AUTS2: variants seen among roughly 807,000 people sequenced by gnomAD.
AUTS2 encodes the protein activator of transcription and developmental regulator AUTS2.
Under a neutral mutation model 112.4 loss-of-function variants are expected in AUTS2, and 17 were observed. That is an observed-to-expected ratio of 0.15 (90% CI 0.10 to 0.23). The LOEUF (loss-of-function observed/expected upper bound fraction) is 0.23, where lower values mean the gene tolerates loss of function less well. Ranked by LOEUF, AUTS2 falls within the 10% of genes least tolerant of loss-of-function variation. AUTS2 has a pLI of 1.00. For synonymous variants in AUTS2, 751 were observed against 702.7 expected, an observed-to-expected ratio of 1.07 and a Z score of -1.09; for missense variants, 1,510 against 1,701.6, an observed-to-expected ratio of 0.89 and a Z score of 1.98.
At chr7:69,743,421 G>A (rs1399001784) in intron 1 of AUTS2, among the ~76,000 whole-genome samples, 1 of 152,174 alleles carries the variant, frequency 6.6e-6, no homozygotes, top group Non-Finnish European at 1.5e-5. Flanking sequence ...TGTGTATTAA[G>A]CTTCCACATA....
In AUTS2 at chr7:69,693,585, A is replaced by G. The variant is rs372340562; in HGVS notation, c.309+93623A>G. Among the ~76,000 whole-genome samples, 10 of 152,226 alleles carry G rather than the reference A, an allele frequency of 6.6e-5. No homozygotes were observed. In the South Asian group the frequency reaches 1.2e-3, roughly 19 times the overall value. The stretch of plus-strand genomic sequence containing the variant: ...TTACCTTTAAGATTCCTGCATTTTC[A>G]TGTGCTCATTCAGCTGGGATTTGTG... On this transcript the variant is annotated intron_variant, in intron 1 of 18. Transcript: ENST00000342771.
At position 70,790,836 on chromosome 7, in the gene AUTS2, T is replaced by C. The variant is rs1554489424; in HGVS notation, c.3620T>C (p.Leu1207Pro). 3 of 1,606,290 alleles carry C rather than the reference T, an allele frequency of 1.9e-6. No homozygotes were observed. Among genetic ancestry groups the C allele is most frequent in the Non-Finnish European group, 1.7e-6 (2 of 1,176,098 alleles). Residue 1207 changes from leucine (L) to proline (P), a missense_variant, in exon 19 of 19, where the codon CTC becomes CCC. By Grantham distance (98) the Leu-to-Pro change is moderately conservative (BLOSUM62 -3). This residue lies in a region of AUTS2 where 788 missense variants were observed against 797.6 expected (regional missense o/e 0.99). Coordinates refer to ENST00000342771, the MANE Select transcript of AUTS2 (RefSeq NM_015570.4). The surrounding 1 kb of genome is among the most constrained non-coding windows in gnomAD (Gnocchi z 7.6). The stretch of plus-strand genomic sequence containing the variant: ...CCCACCGCGGGCAACCAGAACGGAC[T>C]CCTCAACAAGACCCCTCCGACAGCA... ...ISPTAGNQNG[L>P]LNKTPPTAAL... is the part of the protein sequence containing the mutation.
intron 5 of AUTS2, among the ~76,000 whole-genome samples, chr7:70,614,060 C>G (rs1316872906): frequency 6.6e-6 from 1 of 152,162 alleles, no homozygotes; most frequent in Non-Finnish European, 1.5e-5. Flanking sequence ...AGGGAGCCAT[C>G]TTTGTTTCTT....
intron 10 of AUTS2, among the ~76,000 whole-genome samples, chr7:70,770,153 TATAAGGGGAATTA>T (rs1790244669): frequency 6.6e-6 from 1 of 152,186 alleles, no homozygotes; most frequent in Admixed American, 6.5e-5. Context: ...ATTAGGACAT[TATAAGGGGAATTA>T]AGATGCAATG....
intron 5 of AUTS2, among the ~76,000 whole-genome samples, chr7:70,697,039 T>A (rs1809153059): frequency 6.6e-6 from 1 of 152,226 alleles, no homozygotes; most frequent in Non-Finnish European, 1.5e-5. Context: ...CCTAGAAATC[T>A]CACTTAATAT....
chr7:69,953,045 C>T (rs1797084265), intron 2 of AUTS2, among the ~76,000 whole-genome samples: 1 of 152,112 alleles, frequency 6.6e-6, no homozygotes. Flanking sequence ...AATTTCCCTC[C>T]TCCCTCCCCT....
chr7:70,344,788 C>T (rs1791420306), intron 4 of AUTS2, among the ~76,000 whole-genome samples: 1 of 152,048 alleles, frequency 6.6e-6, no homozygotes, highest in African/African-American at 2.4e-5. Flanking sequence ...TTAGAATTAC[C>T]AATACTGCTT....
At chr7:70,289,374 T>C (rs1025186294) in intron 4 of AUTS2, among the ~76,000 whole-genome samples, 2 of 152,230 alleles carry the variant, frequency 1.3e-5, no homozygotes, top group African/African-American at 4.8e-5. Context: ...ATGTGCTCCC[T>C]TCTCTTTCAT....
At chr7:70,090,453 T>C (rs968829786) in intron 2 of AUTS2, among the ~76,000 whole-genome samples, 1 of 151,976 alleles carries the variant, frequency 6.6e-6, no homozygotes, top group Non-Finnish European at 1.5e-5. Flanking sequence ...AATCTTCACC[T>C]CCTGGGTTCA....
intron 4 of AUTS2, among the ~76,000 whole-genome samples, chr7:70,168,187 G>A (rs1164574448): frequency 6.6e-6 from 1 of 152,176 alleles, no homozygotes; most frequent in Non-Finnish European, 1.5e-5. Flanking sequence ...TGAGTATTTT[G>A]TAATTGAACT....
intron 1 of AUTS2, among the ~76,000 whole-genome samples, chr7:69,843,954 A>G (rs1792088536): frequency 6.6e-6 from 1 of 152,190 alleles, no homozygotes; most frequent in African/African-American, 2.4e-5. Flanking sequence ...CTGCTTTTCA[A>G]GTGGCCTGAT....
intron 1 of AUTS2, among the ~76,000 whole-genome samples, chr7:69,876,093 G>A (rs148434985): frequency 2.7e-3 from 408 of 151,412 alleles, no homozygotes; most frequent in South Asian, 7.1e-3. Context: ...GTGGCCAGGT[G>A]TGGTGGCTCA....
chr7:69,917,040 A>C (rs1795606462), intron 2 of AUTS2, among the ~76,000 whole-genome samples: 2 of 152,024 alleles, frequency 1.3e-5, no homozygotes, highest in Non-Finnish European at 2.9e-5. Flanking sequence ...TTTAGAGAGG[A>C]TCTCACTCTC....
intron 2 of AUTS2, among the ~76,000 whole-genome samples, chr7:70,095,928 G>T (rs1403022548): frequency 1.3e-5 from 2 of 152,172 alleles, no homozygotes; most frequent in Admixed American, 1.3e-4. Context: ...TTTAAGAACA[G>T]CAAGGTAGCA....
intron 5 of AUTS2, among the ~76,000 whole-genome samples, chr7:70,528,129 T>G (rs1799932177): frequency 7.0e-6 from 1 of 143,478 alleles, no homozygotes; most frequent in African/African-American, 2.6e-5. Context: ...TACTGGAGTG[T>G]TACACAGATT....
chr7:70,074,754 CGG>C (rs1802948011), intron 2 of AUTS2, among the ~76,000 whole-genome samples: 1 of 152,136 alleles, frequency 6.6e-6, no homozygotes, highest in Non-Finnish European at 1.5e-5. Context: ...GTACAGCACA[CGG>C]AAGTAAATCA....
At chr7:69,941,985 A>G (rs532509821) in intron 2 of AUTS2, among the ~76,000 whole-genome samples, 9 of 152,302 alleles carry the variant, frequency 5.9e-5, no homozygotes, top group African/African-American at 2.2e-4. Flanking sequence ...AAGACCTGAA[A>G]GAGACAGGAA....
intron 4 of AUTS2, among the ~76,000 whole-genome samples, chr7:70,430,344 C>T (rs1795604192): frequency 6.6e-6 from 1 of 152,160 alleles, no homozygotes; most frequent in Non-Finnish European, 1.5e-5. Flanking sequence ...ACAGGGGGCA[C>T]ATACCCAACG....
Position 69,668,278 on chromosome 7 carries a change from T to C in AUTS2, c.309+68316T>C, listed in dbSNP as rs143278342. 3.3e-3 allele frequency among the ~76,000 whole-genome samples: 498 copies of C among 152,334 alleles called. 3 individuals carry two copies. The highest frequency in any genetic ancestry group is 0.011 in the African/African-American group (472 of 41,574). On this transcript the variant is annotated intron_variant, in intron 1 of 18. Coordinates refer to ENST00000342771, the MANE Select transcript of AUTS2 (RefSeq NM_015570.4). ...GTAGGTAGTGTGGGTTCCATTTTGG[T>C]ATGTGAAATTTCATATCATGAAGAA...
Sources: gnomAD v4.1 joint callset for allele counts (sites outside exome capture counted in the v4.1 genomes callset) on GRCh38, gnomAD v4.1.1 for gene constraint, gnomAD v4.1.1 regional missense constraint, Gnocchi (gnomAD v3.1) non-coding constraint, MANE v1.5 for transcripts, NCBI Gene and HGNC (gene_info 2026-07-23, HGNC 2026-07-21) for gene names.